HIPK2: variants seen among roughly 807,000 people sequenced by gnomAD.
The protein encoded by HIPK2 is homeodomain-interacting protein kinase 2.
HIPK2 carries 27 observed loss-of-function variants against 113.7 expected under a neutral mutation model. That is an observed-to-expected ratio of 0.24 (90% CI 0.17 to 0.33). HIPK2 has a LOEUF of 0.33. HIPK2 is among the 10% of genes least tolerant of loss of function. The pLI, the probability that HIPK2 is intolerant of heterozygous loss-of-function variation, is 1.00. For missense variants in HIPK2, 1,257 were observed against 1,588.0 expected (o/e 0.79, Z 3.54); for synonymous variants, 631 against 642.2 (o/e 0.98, Z 0.26).
chr7:139,738,979 G>A (rs1429327736), intron 1 of HIPK2, among the ~76,000 whole-genome samples: 2 of 152,134 alleles, frequency 1.3e-5, no homozygotes, highest in Non-Finnish European at 2.9e-5. Context: ...CACACCCATG[G>A]CACAGTGCTT....
At chr7:139,655,510 T>C (rs750324775) in intron 2 of HIPK2, among the ~76,000 whole-genome samples, 7 of 152,208 alleles carry the variant, frequency 4.6e-5, no homozygotes, top group Non-Finnish European at 8.8e-5. Context: ...TTTCCGCTTA[T>C]CCGACGTGGC....
intron 2 of HIPK2, among the ~76,000 whole-genome samples, chr7:139,694,568 C>T (rs936891015): frequency 2.6e-5 from 4 of 152,150 alleles, no homozygotes; most frequent in Admixed American, 1.3e-4. Flanking sequence ...GGTCTCAAAG[C>T]GTTCTCGCCA....
Position 139,630,574 on chromosome 7 carries a change from T to A in HIPK2, c.1347+591A>T, listed in dbSNP as rs1024185603. 1.2e-4 allele frequency among the ~76,000 whole-genome samples: 18 copies of A among 152,264 alleles called. No individual in the cohort carries two copies. Among genetic ancestry groups the A allele is most frequent in the African/African-American group, 4.1e-4 (17 of 41,558 alleles). ...CACCACGCCCAGCTAATTTTTATAC[T>A]TTTAGTAGAGACGGGGTTTCACCAT... On this transcript the variant is annotated intron_variant, in intron 4 of 14. Coordinates refer to ENST00000406875, the MANE Select transcript of HIPK2 (RefSeq NM_022740.5). The surrounding 1 kb of genome is among the most constrained non-coding windows in gnomAD (Gnocchi z 4.0).
At chr7:139,700,837 C>T (rs1244279189) in intron 2 of HIPK2, among the ~76,000 whole-genome samples, 3 of 152,030 alleles carry the variant, frequency 2.0e-5, no homozygotes, top group African/African-American at 7.2e-5. Context: ...AAACCCAGAG[C>T]GGCCTCCTCC....
At chr7:139,747,652 G>A (rs1569484400) in intron 1 of HIPK2, among the ~76,000 whole-genome samples, 1 of 152,220 alleles carries the variant, frequency 6.6e-6, no homozygotes, top group Non-Finnish European at 1.5e-5. Flanking sequence ...GGCCCCTGTG[G>A]CTGAGGACAA....
chr7:139,766,361 GAT>G (rs1796553416), intron 1 of HIPK2, among the ~76,000 whole-genome samples: 1 of 152,182 alleles, frequency 6.6e-6, no homozygotes, highest in Non-Finnish European at 1.5e-5. Flanking sequence ...CTGAATATTT[GAT>G]ATGTTTTGCT....
chr7:139,620,596 C>G, intron 6 of HIPK2, 33 bp from the exon 7 acceptor site: 2 of 1,609,252 alleles, frequency 1.2e-6, no homozygotes, highest in Non-Finnish European at 1.7e-6. Flanking sequence ...CATATTGAGA[C>G]ATAAGGGGAG....
chr7:139,689,217 T>C (rs553787923), intron 2 of HIPK2, among the ~76,000 whole-genome samples: 91 of 152,240 alleles, frequency 6.0e-4, no homozygotes, highest in Admixed American at 2.3e-3. Flanking sequence ...GGAAAACTGC[T>C]ATCGGGAAAA....
chr7:139,676,851 TCTTTTTTTC>T (rs375371597), intron 2 of HIPK2, among the ~76,000 whole-genome samples: 1 of 38,820 alleles, frequency 2.6e-5, no homozygotes. Flanking sequence ...CCATAGTATT[TCTTTTTTTC>T]TTTTTCTTTT....
chr7:139,705,005 T>C (rs900316785), intron 2 of HIPK2, among the ~76,000 whole-genome samples: 2 of 152,202 alleles, frequency 1.3e-5, no homozygotes, highest in Non-Finnish European at 2.9e-5. Context: ...GCCCTGTCCC[T>C]TCCTGGTGCC....
At chr7:139,735,199 T>C (rs1245678575) in intron 1 of HIPK2, among the ~76,000 whole-genome samples, 1 of 152,240 alleles carries the variant, frequency 6.6e-6, no homozygotes, top group Non-Finnish European at 1.5e-5. Flanking sequence ...TAAATACATT[T>C]AGAAGTACAT....
At chr7:139,699,624 A>G (rs982985547) in intron 2 of HIPK2, among the ~76,000 whole-genome samples, 6,705 of 152,288 alleles carry the variant, frequency 0.044, 497 homozygotes, top group African/African-American at 0.15. Flanking sequence ...TGGAGCTGGC[A>G]TAGGTCCCTC....
At chr7:139,755,540 CG>C (rs1444917485) in intron 1 of HIPK2, among the ~76,000 whole-genome samples, 1 of 152,242 alleles carries the variant, frequency 6.6e-6, no homozygotes, top group Non-Finnish European at 1.5e-5. Flanking sequence ...CCTGAGCTGA[CG>C]GGGAAAATCC....
At position 139,570,747 on chromosome 7, in the gene HIPK2, AG is replaced by A; in HGVS notation, c.*2179del. On this transcript the variant is annotated 3_prime_UTR_variant, in exon 15 of 15. Transcript: ENST00000406875. ...TGAGGAAGTAAAGGGAGGGAGGATGAGGATGGGGCCGCTGACTCGGGAAAGA... is the reference window on the plus strand; with the variant it reads ...TGAGGAAGTAAAGGGAGGGAGGATGAGATGGGGCCGCTGACTCGGGAAAGA... 1 of 152,694 alleles carries A rather than the reference AG, an allele frequency of 6.5e-6. No individual in the cohort carries two copies. The highest frequency in any genetic ancestry group is 2.1e-4 in the South Asian group (1 of 4,828). 9.5% of individuals were successfully genotyped at this position (152,694 alleles called of 1,614,324 possible).
intron 2 of HIPK2, among the ~76,000 whole-genome samples, chr7:139,703,282 T>A (rs1024405544): frequency 4.6e-5 from 7 of 152,174 alleles, no homozygotes; most frequent in African/African-American, 1.7e-4. Flanking sequence ...AACAGCCACA[T>A]CATCCTAAAA....
chr7:139,585,294 T>TG (rs1798798263), intron 12 of HIPK2, among the ~76,000 whole-genome samples: 1 of 152,096 alleles, frequency 6.6e-6, no homozygotes, highest in African/African-American at 2.4e-5. Flanking sequence ...AGCAGGGAAG[T>TG]GGGCAAATTC....
intron 2 of HIPK2, among the ~76,000 whole-genome samples, chr7:139,634,510 C>T (rs536091250): frequency 4.5e-4 from 69 of 152,184 alleles, no homozygotes; most frequent in African/African-American, 1.5e-3. Flanking sequence ...GCCTAGGCCA[C>T]CTGTGTCAGT....
At chr7:139,624,457 C>T (rs1800355880) in intron 6 of HIPK2, among the ~76,000 whole-genome samples, 1 of 152,186 alleles carries the variant, frequency 6.6e-6, no homozygotes, top group Non-Finnish European at 1.5e-5. Context: ...TGGCTTCCCG[C>T]TTACTTCTCA....
intron 2 of HIPK2, among the ~76,000 whole-genome samples, chr7:139,675,160 T>C (rs1297954370): frequency 1.3e-5 from 2 of 152,196 alleles, no homozygotes; most frequent in Non-Finnish European, 2.9e-5. Flanking sequence ...ATATTCTGAC[T>C]AATTCACAGA....
Sources: allele counts gnomAD v4.1 joint callset (sites outside exome capture counted in the v4.1 genomes callset), GRCh38; gene constraint gnomAD v4.1.1; non-coding constraint Gnocchi (gnomAD v3.1); transcripts MANE v1.5; gene names NCBI Gene and HGNC (gene_info 2026-07-23, HGNC 2026-07-21).